MGAT4A: variants seen among roughly 807,000 people sequenced by gnomAD.
MGAT4A encodes the protein alpha-1,3-mannosyl-glycoprotein 4-beta-N-acetylglucosaminyltransferase A.
In MGAT4A, 33 loss-of-function variants were observed where a neutral mutation model predicts 74.1. The ratio of observed to expected loss-of-function variants is 0.45; its 90% CI spans 0.34 to 0.60. The LOEUF (loss-of-function observed/expected upper bound fraction) is 0.60. Ranked by LOEUF, MGAT4A falls within the 20% of genes least tolerant of loss-of-function variation. The pLI, the probability that MGAT4A is intolerant of heterozygous loss-of-function variation, is 0.02. For missense variants in MGAT4A, 479 were observed against 628.3 expected (o/e 0.76, Z 2.54); for synonymous variants, 198 against 210.4 (o/e 0.94, Z 0.51).
intron 2 of MGAT4A, among the ~76,000 whole-genome samples, chr2:98,685,134 A>C (rs1702110991): frequency 6.6e-6 from 1 of 151,538 alleles, no homozygotes; most frequent in African/African-American, 2.4e-5. Flanking sequence ...GCTACTCAGG[A>C]GGCTGAAGTG....
At chr2:98,647,945 C>T (rs1701518664) in intron 8 of MGAT4A, among the ~76,000 whole-genome samples, 1 of 152,170 alleles carries the variant, frequency 6.6e-6, no homozygotes, top group South Asian at 2.1e-4. Context: ...ATAATTATGA[C>T]GTCTGGAATA....
At position 98,639,942 on chromosome 2, in the gene MGAT4A, T is replaced by C; in HGVS notation, c.1188A>G (p.Val396=). 6.2e-7 allele frequency: 1 copy of C among 1,614,166 alleles called. No individual in the cohort carries two copies. The highest frequency in any genetic ancestry group is 8.5e-7 in the Non-Finnish European group (1 of 1,180,000). Residue 396 remains valine (V), a synonymous_variant, in exon 12 of 16, where the codon GTA becomes GTG. Transcript: ENST00000393487. ...LKIHVNPPAE[V]STSLKVYQGH... is the part of the protein sequence containing the mutation. ...CTTGGTAGACCTTCAAGGAAGTAGATACCTCCGCAGGTGGGTTTACATGGA... is the reference window on the plus strand; with the variant it reads ...CTTGGTAGACCTTCAAGGAAGTAGACACCTCCGCAGGTGGGTTTACATGGA...
chr2:98,705,217 T>C (rs1289643101), intron 2 of MGAT4A, among the ~76,000 whole-genome samples: 4 of 152,178 alleles, frequency 2.6e-5, no homozygotes, highest in Non-Finnish European at 4.4e-5. Flanking sequence ...TAAGCACGGA[T>C]TGCAATGCTG....
chr2:98,660,832 G>GA (rs1050183048), intron 5 of MGAT4A, among the ~76,000 whole-genome samples: 6 of 152,074 alleles, frequency 3.9e-5, no homozygotes, highest in Non-Finnish European at 8.8e-5. Flanking sequence ...AAACATAAGG[G>GA]AAAAACTACA....
At chr2:98,718,321 T>C (rs1702618023) in intron 2 of MGAT4A, among the ~76,000 whole-genome samples, 1 of 152,196 alleles carries the variant, frequency 6.6e-6, no homozygotes, top group Admixed American at 6.5e-5. Flanking sequence ...TCAAAATATT[T>C]TTGGAGCTCC....
intron 4 of MGAT4A, chr2:98,663,431 T>G (rs2104271923): frequency 6.7e-7 from 1 of 1,493,734 alleles, no homozygotes; most frequent in East Asian, 2.5e-5. Context: ...CACTAAAAAA[T>G]GAATGGCTGC....
intron 12 of MGAT4A, among the ~76,000 whole-genome samples, chr2:98,638,229 C>T (rs1250193224): frequency 6.6e-6 from 1 of 152,148 alleles, no homozygotes; most frequent in Admixed American, 6.5e-5. Flanking sequence ...GTTCTATGTA[C>T]ATAATATATG....
rs577786293 is a variant in MGAT4A, at chr2:98,641,325, A to G, written c.1021-1097T>C. On this transcript the variant is annotated intron_variant, in intron 10 of 15. Coordinates refer to ENST00000393487, the MANE Select transcript of MGAT4A (RefSeq NM_012214.3). ...CACCTGAGGTCAGGAGTTTCAGACC[A>G]GCCTGGCCAACGTGGTGAAACCCTG... Among the ~76,000 whole-genome samples the G allele has an allele frequency of 5.3e-5, 8 of 152,034 alleles. No individual in the cohort carries two copies. In the South Asian group the frequency reaches 1.7e-3, roughly 32 times the overall value.
rs150771775 is a variant in MGAT4A at position 98,678,420 on chromosome 2, C to T, written c.146G>A (p.Arg49Gln). Residue 49 changes from arginine to glutamine, a missense_variant, in exon 3 of 16, where the codon CGA (arginine) becomes CAA (glutamine). Arg to Gln is a conservative substitution (Grantham distance 43). Around this residue, in one of 3 missense-constraint regions of MGAT4A, gnomAD observed 205 missense variants for 232.7 expected, o/e 0.88. Transcript: ENST00000393487. Reference protein sequence around the residue: ...REFLALKERLRIAEHRISQRS... With the variant: ...REFLALKERLQIAEHRISQRS... ...CTGTGAGATTCTGTGTTCAGCTATT[C>T]GAAGACGTTCTTTCAAAGCAAGGAA... 1.3e-5 allele frequency: 20 copies of T among 1,589,842 alleles called. No homozygotes were observed. The highest frequency in any genetic ancestry group is 5.4e-5 in the African/African-American group (4 of 74,506).
chr2:98,651,475 A>G (rs1701577333), intron 8 of MGAT4A, among the ~76,000 whole-genome samples: 1 of 152,222 alleles, frequency 6.6e-6, no homozygotes, highest in Non-Finnish European at 1.5e-5. Flanking sequence ...TAGAGATTTT[A>G]TTTGTCATTG....
At chr2:98,647,195 T>C (rs1463935404) in intron 8 of MGAT4A, among the ~76,000 whole-genome samples, 1 of 152,166 alleles carries the variant, frequency 6.6e-6, no homozygotes, top group Non-Finnish European at 1.5e-5. Flanking sequence ...AAACCTTAAG[T>C]GGAACAGCTG....
At chr2:98,652,590 C>T (rs2104254607) in intron 8 of MGAT4A, among the ~76,000 whole-genome samples, 1 of 152,246 alleles carries the variant, frequency 6.6e-6, no homozygotes. Flanking sequence ...CTCAGCCTCC[C>T]AAAGTGCTGG....
chr2:98,686,683 A>T (rs1409984696), intron 2 of MGAT4A, among the ~76,000 whole-genome samples: 2 of 152,020 alleles, frequency 1.3e-5, no homozygotes, highest in Non-Finnish European at 2.9e-5. Flanking sequence ...AAGAGCTGGG[A>T]TTACAGGTGC....
intron 2 of MGAT4A, among the ~76,000 whole-genome samples, chr2:98,722,651 AAAACCGACTGATTGTACACTTT>A: frequency 6.6e-6 from 1 of 152,320 alleles, no homozygotes; most frequent in East Asian, 1.9e-4. Context: ...GAATATACCA[AAAACCGACTGATTGTACACTTT>A]AAATGGATGA....
At chr2:98,710,787 G>A (rs1211991284) in intron 2 of MGAT4A, among the ~76,000 whole-genome samples, 2 of 152,074 alleles carry the variant, frequency 1.3e-5, no homozygotes, top group Non-Finnish European at 2.9e-5. Flanking sequence ...TGAATAAGTA[G>A]AAGACAGTCA....
Position 98,681,505 on chromosome 2 carries a change from G to T in MGAT4A, c.95-3034C>A, listed in dbSNP as rs138497439. Among the ~76,000 whole-genome samples the T allele has an allele frequency of 8.0e-4, 122 of 152,256 alleles. 1 individual carries two copies. The highest frequency in any genetic ancestry group is 2.9e-3 in the African/African-American group (121 of 41,538). ...AGTCCAGAGAGTGTGGACAAGGGCA[G>T]ATCAGCATAAACACAGTGTCCAAAC... is the stretch of plus-strand genomic sequence containing the variant. On this transcript the variant is annotated intron_variant, in intron 2 of 15. Coordinates refer to ENST00000393487, the MANE Select transcript of MGAT4A (RefSeq NM_012214.3).
chr2:98,689,311 A>C (rs1031849488), intron 2 of MGAT4A, among the ~76,000 whole-genome samples: 3 of 152,218 alleles, frequency 2.0e-5, no homozygotes, highest in African/African-American at 7.2e-5. Context: ...TGTAGGACAA[A>C]TCAGAAAATG....
intron 12 of MGAT4A, among the ~76,000 whole-genome samples, chr2:98,638,341 G>A (rs1485264317): frequency 6.6e-6 from 1 of 152,022 alleles, no homozygotes; most frequent in Admixed American, 6.6e-5. Flanking sequence ...CACATATAAT[G>A]CCATAATCTA....
intron 8 of MGAT4A, among the ~76,000 whole-genome samples, chr2:98,654,922 C>A (rs1055270922): frequency 6.6e-6 from 1 of 152,142 alleles, no homozygotes; most frequent in African/African-American, 2.4e-5. Flanking sequence ...GGTGCAGCAG[C>A]TCGTGTCTGT....
Sources: allele counts gnomAD v4.1 joint callset (sites outside exome capture counted in the v4.1 genomes callset), GRCh38; gene constraint gnomAD v4.1.1; regional missense constraint gnomAD v4.1.1; transcripts MANE v1.5; gene names NCBI Gene and HGNC (gene_info 2026-07-23, HGNC 2026-07-21).